MKX: variants seen among roughly 807,000 people sequenced by gnomAD.
MKX encodes homeobox protein Mohawk.
In MKX, 13 loss-of-function variants were observed where a neutral mutation model predicts 36.0. The observed-to-expected ratio is 0.36, with a 90% CI of 0.24 to 0.57. The LOEUF is 0.57. Among genes scored for constraint, MKX ranks in the 20% least tolerant of loss-of-function variants. The pLI is 0.79. For synonymous variants in MKX, 176 were observed against 178.3 expected, an observed-to-expected ratio of 0.99 and a Z score of 0.10; for missense variants, 458 against 456.4, an observed-to-expected ratio of 1.00 and a Z score of -0.03.
intron 5 of MKX, among the ~76,000 whole-genome samples, chr10:27,680,470 G>A (rs1836236250): frequency 6.6e-6 from 1 of 151,906 alleles, no homozygotes; most frequent in Non-Finnish European, 1.5e-5. Flanking sequence ...TTGGACATGT[G>A]TTTCCTTCTA....
chr10:27,689,740 C>T (rs1836419406), intron 5 of MKX, among the ~76,000 whole-genome samples: 1 of 152,100 alleles, frequency 6.6e-6, no homozygotes, highest in African/African-American at 2.4e-5. Flanking sequence ...AAGAGATCTA[C>T]TCTAAATTTT....
intron 5 of MKX, among the ~76,000 whole-genome samples, chr10:27,686,442 GAA>G (rs1481633847): frequency 0.012 from 1,753 of 148,066 alleles, 32 homozygotes; most frequent in African/African-American, 0.041. Flanking sequence ...AGGAAGGAAG[GAA>G]GGAAAGAGGG....
At chr10:27,740,574 T>G (rs1404408084) in intron 3 of MKX, among the ~76,000 whole-genome samples, 1 of 152,188 alleles carries the variant, frequency 6.6e-6, no homozygotes, top group Admixed American at 6.5e-5. Context: ...AACAGTAAGA[T>G]TCAGTTTTGA....
intron 5 of MKX, among the ~76,000 whole-genome samples, chr10:27,688,545 A>C (rs562426446): frequency 2.0e-5 from 3 of 152,348 alleles, no homozygotes; most frequent in Non-Finnish European, 4.4e-5. Context: ...GGAATATTGG[A>C]GATGTTACCC....
chr10:27,715,661 G>A (rs938464962), intron 5 of MKX, among the ~76,000 whole-genome samples: 2 of 152,140 alleles, frequency 1.3e-5, no homozygotes, highest in Non-Finnish European at 2.9e-5. Context: ...TACATGTAGG[G>A]CACTTAGTGC....
At chr10:27,698,982 A>T (rs1207886848) in intron 5 of MKX, among the ~76,000 whole-genome samples, 1 of 152,242 alleles carries the variant, frequency 6.6e-6, no homozygotes, top group Non-Finnish European at 1.5e-5. Context: ...ATGTGATTTT[A>T]AAAAAGTGTA....
intron 5 of MKX, among the ~76,000 whole-genome samples, chr10:27,727,039 A>G (rs1246432821): frequency 2.6e-5 from 4 of 152,200 alleles, no homozygotes; most frequent in Non-Finnish European, 5.9e-5. Flanking sequence ...GCCAGTACCA[A>G]ATGAAAGAGA....
chr10:27,744,762 C>G lies in MKX; in HGVS notation c.-83+945G>C, dbSNP rs1835013157. 3 of 154,672 alleles carry G rather than the reference C, an allele frequency of 1.9e-5. No individual in the cohort carries two copies. The Admixed American group carries it at 2.0e-4, about 10-fold the overall frequency. 9.6% of individuals were successfully genotyped at this position (154,672 alleles called of 1,614,324 possible). On this transcript the variant is annotated intron_variant, in intron 1 of 6. Coordinates refer to ENST00000419761, the MANE Select transcript of MKX (RefSeq NM_173576.3). This position sits in a 1 kb window ranked among gnomAD's most constrained non-coding sequence, Gnocchi z 5.6. ...CACACACACCCTTTGCCTCGCCAAGCGCCCACACTCGCCAACGCCCCCGCC... is the reference window on the plus strand; with the variant it reads ...CACACACACCCTTTGCCTCGCCAAGGGCCCACACTCGCCAACGCCCCCGCC...
intron 3 of MKX, among the ~76,000 whole-genome samples, chr10:27,737,645 C>T (rs532956514): frequency 6.6e-6 from 1 of 152,216 alleles, no homozygotes; most frequent in East Asian, 1.9e-4. Flanking sequence ...CCTCTGTTGA[C>T]CAGTACTGTC....
chr10:27,674,324 A>G lies in MKX; in HGVS notation c.*905T>C, dbSNP rs1451275258. The G allele has an allele frequency of 1.3e-5, 2 of 152,636 alleles. No individual in the cohort carries two copies. Among genetic ancestry groups the G allele is most frequent in the East Asian group, 3.8e-4 (2 of 5,204 alleles). 9.5% of individuals were successfully genotyped at this position (152,636 alleles called of 1,614,324 possible). Reference sequence around the variant, plus strand: ...GCAATTGTAATTTGAAACAAACCAAATAAAAGATTTTTAGTCATTCCATAC... The same window carrying G: ...GCAATTGTAATTTGAAACAAACCAAGTAAAAGATTTTTAGTCATTCCATAC... On this transcript the variant is annotated 3_prime_UTR_variant, in exon 7 of 7. Coordinates refer to ENST00000419761, the MANE Select transcript of MKX (RefSeq NM_173576.3).
At position 27,744,054 on chromosome 10, in the gene MKX, G is replaced by A. The variant is rs1834988029; in HGVS notation, c.-82-557C>T. Among the ~76,000 whole-genome samples, 1 of 152,112 alleles carries A rather than the reference G, an allele frequency of 6.6e-6. No individual in the cohort carries two copies. Among genetic ancestry groups the A allele is most frequent in the African/African-American group, 2.4e-5 (1 of 41,420 alleles). Reference sequence around the variant, plus strand: ...GGGGGATTTTCGTGTTTTCTAGATCGTGGATGGTTTGGTTGAAACCCCCGC... The same window carrying A: ...GGGGGATTTTCGTGTTTTCTAGATCATGGATGGTTTGGTTGAAACCCCCGC... On this transcript the variant is annotated intron_variant, in intron 1 of 6. Transcript: ENST00000419761. The surrounding 1 kb of genome is among the most constrained non-coding windows in gnomAD (Gnocchi z 5.6).
At chr10:27,681,415 C>T (rs1342157942) in intron 5 of MKX, among the ~76,000 whole-genome samples, 1 of 152,130 alleles carries the variant, frequency 6.6e-6, no homozygotes, top group Non-Finnish European at 1.5e-5. Flanking sequence ...CGCCATTGCA[C>T]TCCAGCCTGG....
rs529418885 is a variant in MKX, at chr10:27,728,352, C to G, written c.838+6104G>C. ...CGTAAGACTTTTTTAAGCTACCCCC[C>G]AAAACGAAAGCTGAAATGAAGGAAA... On this transcript the variant is annotated intron_variant, in intron 5 of 6. Coordinates refer to ENST00000419761, the MANE Select transcript of MKX (RefSeq NM_173576.3). Among the ~76,000 whole-genome samples, 3 of 152,290 alleles carry G rather than the reference C, an allele frequency of 2.0e-5. No individual in the cohort carries two copies. In the East Asian group the frequency reaches 5.8e-4, roughly 29 times the overall value.
intron 5 of MKX, among the ~76,000 whole-genome samples, chr10:27,685,332 AT>A (rs1369486537): frequency 1.3e-5 from 2 of 151,808 alleles, no homozygotes; most frequent in Non-Finnish European, 2.9e-5. Flanking sequence ...CCAAAACCAG[AT>A]TTTTTTCTCC....
At chr10:27,682,558 C>A (rs1298154218) in intron 5 of MKX, among the ~76,000 whole-genome samples, 1 of 152,126 alleles carries the variant, frequency 6.6e-6, no homozygotes, top group African/African-American at 2.4e-5. Flanking sequence ...TACTAGCGGT[C>A]CTCAACCTTT....
intron 5 of MKX, among the ~76,000 whole-genome samples, chr10:27,711,495 C>CTTTCTTTCTTT (rs1363496557): frequency 9.1e-5 from 3 of 32,908 alleles, no homozygotes; most frequent in African/African-American, 2.1e-4. Flanking sequence ...CTCTCTCTCT[C>CTTTCTTTCTTT]TTCTTTCCTT....
intron 5 of MKX, among the ~76,000 whole-genome samples, chr10:27,719,423 T>G (rs547146747): frequency 3.3e-5 from 5 of 152,224 alleles, no homozygotes; most frequent in African/African-American, 1.2e-4. Flanking sequence ...CTCTTCTTCC[T>G]CTCTGAGTCC....
At chr10:27,723,867 G>A (rs1431014826) in intron 5 of MKX, among the ~76,000 whole-genome samples, 1 of 152,146 alleles carries the variant, frequency 6.6e-6, no homozygotes, top group Non-Finnish European at 1.5e-5. Flanking sequence ...CATACTGGGA[G>A]ATTTGTTCAC....
At chr10:27,725,815 C>T (rs942007251) in intron 5 of MKX, among the ~76,000 whole-genome samples, 1 of 152,038 alleles carries the variant, frequency 6.6e-6, no homozygotes, top group Non-Finnish European at 1.5e-5. Flanking sequence ...TATTTGGTCT[C>T]GTCAGTGTAT....
Sources: allele counts gnomAD v4.1 joint callset (sites outside exome capture counted in the v4.1 genomes callset), GRCh38; gene constraint gnomAD v4.1.1; non-coding constraint Gnocchi (gnomAD v3.1); transcripts MANE v1.5; gene names NCBI Gene and HGNC (gene_info 2026-07-23, HGNC 2026-07-21).